Variants in LRRIQ3 observed in about 807,000 individuals in gnomAD.
LRRIQ3 encodes leucine-rich repeat and IQ domain-containing protein 3.
In LRRIQ3, 75 loss-of-function variants were observed where a neutral mutation model predicts 59.3. The ratio of observed to expected loss-of-function variants is 1.26; its 90% CI spans 1.05 to 1.53. The LOEUF (loss-of-function observed/expected upper bound fraction) is 1.53, where lower values mean the gene tolerates loss of function less well. LRRIQ3 is among the 40% of genes most tolerant of loss of function. The probability of loss-of-function intolerance (pLI) is 0.00; values close to 1 mark genes in which losing one functional copy is unlikely to be tolerated. For synonymous variants in LRRIQ3, 250 were observed against 231.3 expected (o/e 1.08, Z -0.73); for missense variants, 831 against 710.0 (o/e 1.17, Z -1.94).
chr1:74,128,570 A>G (rs1221008191), intron 4 of LRRIQ3, among the ~76,000 whole-genome samples: 1 of 152,058 alleles, frequency 6.6e-6, no homozygotes, highest in Non-Finnish European at 1.5e-5. Context: ...AAGTTCACAT[A>G]TGTCTCTCTC....
At chr1:74,112,958 C>T (rs1646722691) in intron 4 of LRRIQ3, among the ~76,000 whole-genome samples, 1 of 151,842 alleles carries the variant, frequency 6.6e-6, no homozygotes, top group Non-Finnish European at 1.5e-5. Flanking sequence ...ATAGGGCAGA[C>T]AACAGAAACC....
intron 6 of LRRIQ3, among the ~76,000 whole-genome samples, chr1:74,059,464 T>C (rs926321182): frequency 1.3e-5 from 2 of 152,042 alleles, no homozygotes; most frequent in African/African-American, 2.4e-5. Context: ...TGTAGATATA[T>C]AGTTGTCCCA....
Position 74,198,119 on chromosome 1 carries a change from C to T in LRRIQ3, c.-124G>A. 2 of 1,403,480 alleles carry T rather than the reference C, an allele frequency of 1.4e-6. No homozygotes were observed. The highest frequency in any genetic ancestry group is 2.5e-5 in the East Asian group (1 of 40,710). 86.9% of individuals were successfully genotyped at this position (1,403,480 alleles called of 1,614,324 possible). ...GTTGCTAGAGAAACAAGACAACATC[C>T]AAGTTCTCCACATCATGGTTTTCCG... On this transcript the variant is annotated 5_prime_UTR_variant, in exon 1 of 8. The change creates a premature stop within an existing upstream ORF in the 5' untranslated region. Coordinates refer to ENST00000354431, the MANE Select transcript of LRRIQ3 (RefSeq NM_001105659.2).
intron 7 of LRRIQ3, among the ~76,000 whole-genome samples, chr1:74,028,790 C>T (rs575325059): frequency 1.3e-4 from 20 of 151,836 alleles, no homozygotes; most frequent in African/African-American, 3.9e-4. Flanking sequence ...CATTTAAAAT[C>T]CTTAAAGGAG....
intron 1 of LRRIQ3, among the ~76,000 whole-genome samples, chr1:74,196,944 G>A (rs1651200293): frequency 6.6e-6 from 1 of 152,128 alleles, no homozygotes; most frequent in Non-Finnish European, 1.5e-5. Context: ...ACCCTGCAAT[G>A]GCTTTGTTTC....
chr1:74,133,938 G>T (rs549915458), intron 4 of LRRIQ3, among the ~76,000 whole-genome samples: 18 of 151,794 alleles, frequency 1.2e-4, no homozygotes, highest in Admixed American at 1.2e-3. Flanking sequence ...GCTGTATTTT[G>T]TCTTATATGA....
intron 6 of LRRIQ3, among the ~76,000 whole-genome samples, chr1:74,063,689 C>G (rs1654792459): frequency 6.6e-6 from 1 of 151,842 alleles, no homozygotes; most frequent in African/African-American, 2.4e-5. Flanking sequence ...ATTTTTTTGA[C>G]TGACATTAAT....
At chr1:74,036,150 C>A (rs1312387951) in intron 7 of LRRIQ3, among the ~76,000 whole-genome samples, 3 of 152,000 alleles carry the variant, frequency 2.0e-5, no homozygotes, top group Non-Finnish European at 4.4e-5. Flanking sequence ...AAAATGCTGC[C>A]CCCAAATATG....
intron 6 of LRRIQ3, among the ~76,000 whole-genome samples, chr1:74,043,111 A>G (rs1654097595): frequency 6.6e-6 from 1 of 152,100 alleles, no homozygotes; most frequent in African/African-American, 2.4e-5. Flanking sequence ...ATTGAATCAC[A>G]TTGTTGTTTG....
intron 4 of LRRIQ3, among the ~76,000 whole-genome samples, chr1:74,153,197 A>G (rs993470381): frequency 6.6e-6 from 1 of 152,180 alleles, no homozygotes; most frequent in Non-Finnish European, 1.5e-5. Context: ...CAATCTAATT[A>G]CAACATTTCA....
chr1:74,031,918 T>C (rs1653730732), intron 7 of LRRIQ3, among the ~76,000 whole-genome samples: 1 of 151,938 alleles, frequency 6.6e-6, no homozygotes, highest in Non-Finnish European at 1.5e-5. Flanking sequence ...TAGACATAAA[T>C]GTAATAAAAG....
At chr1:74,137,339 A>G (rs536436202) in intron 4 of LRRIQ3, among the ~76,000 whole-genome samples, 1 of 152,216 alleles carries the variant, frequency 6.6e-6, no homozygotes, top group South Asian at 2.1e-4. Flanking sequence ...TACATATGAA[A>G]AAAAGCTCAT....
chr1:74,055,142 C>T (rs1448121147), intron 6 of LRRIQ3, among the ~76,000 whole-genome samples: 3 of 145,066 alleles, frequency 2.1e-5, no homozygotes. Flanking sequence ...CATACACATG[C>T]ATACATACAC....
chr1:74,153,569 A>G (rs1648116512), intron 4 of LRRIQ3, among the ~76,000 whole-genome samples: 1 of 152,166 alleles, frequency 6.6e-6, no homozygotes, highest in Non-Finnish European at 1.5e-5. Flanking sequence ...ATCAATTCAG[A>G]AAGTATTTTT....
chr1:74,126,090 T>A (rs1027650631), intron 4 of LRRIQ3, among the ~76,000 whole-genome samples: 1 of 151,844 alleles, frequency 6.6e-6, no homozygotes, highest in Non-Finnish European at 1.5e-5. Flanking sequence ...GTAAGTTGTA[T>A]GTGTATAAGG....
intron 6 of LRRIQ3, among the ~76,000 whole-genome samples, chr1:74,069,407 C>T (rs919064096): frequency 4.0e-5 from 6 of 151,606 alleles, no homozygotes; most frequent in Non-Finnish European, 7.4e-5. Context: ...TTACAGCAGC[C>T]GATGAAATAG....
intron 4 of LRRIQ3, among the ~76,000 whole-genome samples, chr1:74,118,760 G>C (rs1646812197): frequency 6.6e-6 from 1 of 152,086 alleles, no homozygotes; most frequent in Admixed American, 6.6e-5. Flanking sequence ...GTGGAAGCTG[G>C]CAAGTCTGAA....
intron 4 of LRRIQ3, among the ~76,000 whole-genome samples, chr1:74,155,432 T>C (rs893309094): frequency 6.6e-6 from 1 of 152,208 alleles, no homozygotes; most frequent in South Asian, 2.1e-4. Context: ...AAATAAAATA[T>C]AAAATCTTCC....
intron 5 of LRRIQ3, 140 bp downstream of exon 5, chr1:74,109,254 A>G: frequency 2.8e-6 from 2 of 705,556 alleles, no homozygotes; most frequent in South Asian, 1.7e-5. Flanking sequence ...ACTTTTTTCA[A>G]TCAAAAAATA....
Sources: allele counts gnomAD v4.1 joint callset (sites outside exome capture counted in the v4.1 genomes callset), GRCh38; gene constraint gnomAD v4.1.1; transcripts MANE v1.5; gene names NCBI Gene and HGNC (gene_info 2026-07-23, HGNC 2026-07-21).